The following PAM variants were observed in gnomAD, a reference collection of about 807,000 sequenced individuals.
The protein encoded by PAM is peptidyl-glycine alpha-amidating monooxygenase.
Under a neutral mutation model 122.1 loss-of-function variants are expected in PAM, and 72 were observed. The observed-to-expected ratio is 0.59, with a 90% confidence interval of 0.49 to 0.72. PAM has a LOEUF of 0.72. Ranked by LOEUF, PAM falls within the 30% of genes least tolerant of loss-of-function variation. The pLI is 0.00. For missense variants in PAM, 1,106 were observed against 1,183.7 expected (o/e 0.93, Z 0.96); for synonymous variants, 389 against 404.4 (o/e 0.96, Z 0.46).
At chr5:102,786,038 G>A (rs998058548) in intron 1 of PAM, among the ~76,000 whole-genome samples, 5 of 152,154 alleles carry the variant, frequency 3.3e-5, no homozygotes, top group African/African-American at 1.2e-4. Flanking sequence ...GAATATGTTA[G>A]CAGAATTATG....
intron 1 of PAM, among the ~76,000 whole-genome samples, chr5:102,804,956 G>A (rs1270357898): frequency 1.3e-5 from 2 of 152,076 alleles, no homozygotes; most frequent in Admixed American, 1.3e-4. Context: ...TCAATTTAAG[G>A]TGGCTGACTG....
At chr5:102,764,279 CATATATATAATAAAT>C (rs1753246710) in intron 1 of PAM, among the ~76,000 whole-genome samples, 1 of 150,016 alleles carries the variant, frequency 6.7e-6, no homozygotes, top group South Asian at 2.1e-4. Context: ...ATATTAAAAA[CATATATATAATAAAT>C]ATATATATAA....
At chr5:102,851,757 A>G (rs1021015276) in intron 1 of PAM, among the ~76,000 whole-genome samples, 2 of 152,248 alleles carry the variant, frequency 1.3e-5, no homozygotes, top group African/African-American at 4.8e-5. Flanking sequence ...CTTGAGTTCA[A>G]GAGAAATACG....
chr5:102,900,594 G>C (rs539406559), intron 3 of PAM, among the ~76,000 whole-genome samples: 1 of 151,532 alleles, frequency 6.6e-6, no homozygotes, highest in Non-Finnish European at 1.5e-5. Context: ...GCTCTGTGCA[G>C]TAATAATCCA....
intron 1 of PAM, among the ~76,000 whole-genome samples, chr5:102,859,148 C>G (rs1039652163): frequency 6.6e-6 from 1 of 151,298 alleles, no homozygotes; most frequent in South Asian, 2.1e-4. Context: ...TGCACTCCTT[C>G]TACTTACAAA....
chr5:102,791,834 T>C (rs564297526), intron 1 of PAM, among the ~76,000 whole-genome samples: 62 of 152,292 alleles, frequency 4.1e-4, no homozygotes, highest in African/African-American at 1.4e-3. Context: ...TCACATAGCC[T>C]GTTTCTAGGG....
chr5:102,767,787 A>G (rs1754541260), intron 1 of PAM, among the ~76,000 whole-genome samples: 2 of 152,284 alleles, frequency 1.3e-5, no homozygotes, highest in East Asian at 3.9e-4. Context: ...TGTTTTTTGT[A>G]GAAAAAATTA....
intron 1 of PAM, among the ~76,000 whole-genome samples, chr5:102,793,762 CAAGT>C (rs1762651406): frequency 6.6e-6 from 1 of 151,960 alleles, no homozygotes; most frequent in African/African-American, 2.4e-5. Flanking sequence ...GTAATTATAG[CAAGT>C]ATTTTATCCT....
At chr5:102,810,544 G>A (rs1321507600) in intron 1 of PAM, among the ~76,000 whole-genome samples, 2 of 152,168 alleles carry the variant, frequency 1.3e-5, no homozygotes, top group Non-Finnish European at 2.9e-5. Context: ...AAGATAAGAA[G>A]TTAAGGCCAG....
chr5:102,806,340 T>G (rs890365053), intron 1 of PAM, among the ~76,000 whole-genome samples: 1 of 152,090 alleles, frequency 6.6e-6, no homozygotes, highest in African/African-American at 2.4e-5. Context: ...CAGAACAGAG[T>G]TCGATGAATT....
At chr5:103,001,152 C>T (rs1413553930) in intron 16 of PAM, among the ~76,000 whole-genome samples, 1 of 151,992 alleles carries the variant, frequency 6.6e-6, no homozygotes, top group Non-Finnish European at 1.5e-5. Flanking sequence ...ATTATAGTCA[C>T]CTTGGAAAAA....
chr5:102,800,005 T>C (rs1463270601), intron 1 of PAM, among the ~76,000 whole-genome samples: 2 of 152,206 alleles, frequency 1.3e-5, no homozygotes, highest in Non-Finnish European at 2.9e-5. Flanking sequence ...TCCAGTCTTA[T>C]CCTCTACCAC....
intron 1 of PAM, among the ~76,000 whole-genome samples, chr5:102,779,918 T>TATATATATATATATAC (rs147065045): frequency 1.0e-5 from 1 of 95,672 alleles, no homozygotes; most frequent in Non-Finnish European, 2.0e-5. Context: ...TATATATATA[T>TATATATATATATATAC]ACACACATAT....
At chr5:102,934,003 C>T (rs183187778) in intron 7 of PAM, among the ~76,000 whole-genome samples, 1 of 152,326 alleles carries the variant, frequency 6.6e-6, no homozygotes, top group Admixed American at 6.5e-5. Flanking sequence ...CTTCCTCCTA[C>T]CTGCTTTCCA....
chr5:102,781,306 A>G (rs1172030796), intron 1 of PAM, among the ~76,000 whole-genome samples: 1 of 152,196 alleles, frequency 6.6e-6, no homozygotes, highest in African/African-American at 2.4e-5. Flanking sequence ...TTGTAGTATG[A>G]GAGCATAGGA....
intron 12 of PAM, among the ~76,000 whole-genome samples, chr5:102,953,729 T>C (rs780280185): frequency 8.5e-5 from 13 of 152,128 alleles, no homozygotes; most frequent in Non-Finnish European, 1.3e-4. Flanking sequence ...AAAAAAATGA[T>C]AGGGCCGAGT....
chr5:102,966,479 G>A (rs184427232), intron 14 of PAM, among the ~76,000 whole-genome samples: 1 of 152,170 alleles, frequency 6.6e-6, no homozygotes, highest in Admixed American at 6.5e-5. Flanking sequence ...ATAAGGGGAA[G>A]AAATAATAAA....
At chr5:102,890,007 C>CA in intron 3 of PAM, among the ~76,000 whole-genome samples, 2 of 151,902 alleles carry the variant, frequency 1.3e-5, no homozygotes, top group South Asian at 4.1e-4. Flanking sequence ...ACATACATAG[C>CA]AAAAAAGATC....
chr5:102,990,322 G>C lies in PAM; in HGVS notation c.1534G>C (p.Gly512Arg). The C allele has an allele frequency of 1.2e-6, 2 of 1,609,224 alleles. No individual in the cohort carries two copies. The highest frequency in any genetic ancestry group is 1.7e-6 in the Non-Finnish European group (2 of 1,176,628). Residue 512 changes from glycine to arginine, a missense_variant, in exon 16 of 26, where the codon GGC (glycine) becomes CGC (arginine). By Grantham distance (125) the Gly-to-Arg change is moderately radical. Around this residue, in one of 3 missense-constraint regions of PAM, gnomAD observed 670 missense variants for 690.3 expected, o/e 0.97. Transcript: ENST00000438793. ...LDWPGVYLLP[G>R]QVSGVALDPK... is the part of the protein sequence containing the mutation. ...TTGGCCTGGAGTATACTTGTTACCAGGCCAGGTTTCTGGGGTGGCTCTAGA... is the reference window on the plus strand; with the variant it reads ...TTGGCCTGGAGTATACTTGTTACCACGCCAGGTTTCTGGGGTGGCTCTAGA...
Sources: gnomAD v4.1 joint callset for allele counts (sites outside exome capture counted in the v4.1 genomes callset) on GRCh38, gnomAD v4.1.1 for gene constraint, gnomAD v4.1.1 regional missense constraint, MANE v1.5 for transcripts, NCBI Gene and HGNC (gene_info 2026-07-23, HGNC 2026-07-21) for gene names.